RAI1: variants seen among roughly 807,000 people sequenced by gnomAD.
The protein encoded by RAI1 is retinoic acid-induced protein 1.
A neutral mutation model predicts 123.8 loss-of-function variants in RAI1; 9 were observed. That is an observed-to-expected ratio of 0.07 (90% CI 0.04 to 0.13). The LOEUF (loss-of-function observed/expected upper bound fraction) is 0.13, where lower values mean the gene tolerates loss of function less well. Among genes scored for constraint, RAI1 ranks in the 10% least tolerant of loss-of-function variants. The probability of loss-of-function intolerance (pLI) is 1.00; values close to 1 mark genes in which losing one functional copy is unlikely to be tolerated. For synonymous variants in RAI1, 1,231 were observed against 1,127.3 expected, an observed-to-expected ratio of 1.09 and a Z score of -1.84; for missense variants, 2,256 against 2,545.8, an observed-to-expected ratio of 0.89 and a Z score of 2.45.
chr17:17,741,204 G>C (rs922014159), intron 2 of RAI1, among the ~76,000 whole-genome samples: 3 of 151,982 alleles, frequency 2.0e-5, no homozygotes, highest in African/African-American at 7.3e-5. Flanking sequence ...CCACCCTCCT[G>C]AGTCCCCTCT....
intron 4 of RAI1, among the ~76,000 whole-genome samples, chr17:17,808,451 T>C (rs887642650): frequency 4.9e-5 from 7 of 142,246 alleles, no homozygotes; most frequent in African/African-American, 1.1e-4. Context: ...TATTTTATTT[T>C]ATTTTATTTC....
intron 2 of RAI1, among the ~76,000 whole-genome samples, chr17:17,756,923 C>T (rs2030460155): frequency 6.6e-6 from 1 of 152,128 alleles, no homozygotes; most frequent in African/African-American, 2.4e-5. Context: ...ATGACTGTTG[C>T]CATTGTTATT....
intron 1 of RAI1, among the ~76,000 whole-genome samples, chr17:17,690,122 C>T (rs1053719352): frequency 4.6e-5 from 7 of 152,144 alleles, no homozygotes; most frequent in African/African-American, 1.4e-4. Context: ...CCGTGGCTCA[C>T]GCCTGCAATC....
At chr17:17,803,390 GT>G (rs1207124461) in intron 3 of RAI1, among the ~76,000 whole-genome samples, 1 of 141,690 alleles carries the variant, frequency 7.1e-6, no homozygotes, top group Non-Finnish European at 1.5e-5. Context: ...TGTTTTTTTT[GT>G]TTGTTTGTTT....
chr17:17,790,307 C>T (rs1567909718), intron 2 of RAI1, among the ~76,000 whole-genome samples: 1 of 152,212 alleles, frequency 6.6e-6, no homozygotes, highest in Non-Finnish European at 1.5e-5. Flanking sequence ...CTCCCTTTGC[C>T]TTGGGTTCCA....
intron 1 of RAI1, among the ~76,000 whole-genome samples, chr17:17,719,404 G>A (rs1292689602): frequency 6.6e-6 from 1 of 152,130 alleles, no homozygotes; most frequent in Non-Finnish European, 1.5e-5. Flanking sequence ...CAGGGTCTTT[G>A]CACTTGTTCT....
In RAI1 at chr17:17,797,316, T is replaced by A; in HGVS notation, c.4368T>A (p.His1456Gln). ...KRSRKGRAGA[H>Q]GLSKGPLEKR... ...GCCGGAAAGGCCGGGCAGGGGCCCA[T>A]GGACTCTCCAAAGGCCCGCTGGAGA... The change falls in exon 3 of 6, where the codon CAT becomes CAA. Residue 1456 changes from histidine to glutamine, a missense_variant. His to Gln is a conservative substitution (Grantham distance 24). This residue lies in a region of RAI1 where 410 missense variants were observed against 374.6 expected (regional missense o/e 1.09). Transcript: ENST00000353383. 1 of 1,612,372 alleles carries A rather than the reference T, an allele frequency of 6.2e-7. No individual in the cohort carries two copies. The highest frequency in any genetic ancestry group is 8.5e-7 in the Non-Finnish European group (1 of 1,179,832).
intron 2 of RAI1, among the ~76,000 whole-genome samples, chr17:17,775,201 A>ATT (rs56152905): frequency 0.098 from 12,033 of 123,356 alleles, 814 homozygotes; most frequent in Non-Finnish European, 0.14. Flanking sequence ...TTCATGTGTA[A>ATT]TTTTTTTTTT....
At chr17:17,698,395 C>T (rs73292258) in intron 1 of RAI1, among the ~76,000 whole-genome samples, 2,068 of 152,294 alleles carry the variant, frequency 0.014, 54 homozygotes, top group African/African-American at 0.047. Flanking sequence ...GGATTCTGGG[C>T]GTTGTCTCTG....
At position 17,794,527 on chromosome 17, in the gene RAI1, C is replaced by T. The variant is rs769601755; in HGVS notation, c.1579C>T (p.Arg527Cys). The change falls in exon 3 of 6, where the codon CGC becomes TGC. Residue 527 changes from arginine to cysteine, a missense_variant. By Grantham distance (180) the Arg-to-Cys change is radical (BLOSUM62 -3). Coordinates refer to ENST00000353383, the MANE Select transcript of RAI1 (RefSeq NM_030665.4). ...YLSGSEDPLE[R>C]SFLYCNQARG... Reference sequence around the variant, plus strand: ...GAGCGGCTCCGAGGACCCACTGGAGCGCAGCTTCCTCTACTGCAACCAGGC... The same window carrying T: ...GAGCGGCTCCGAGGACCCACTGGAGTGCAGCTTCCTCTACTGCAACCAGGC... The T allele has an allele frequency of 9.3e-6, 15 of 1,612,768 alleles. No individual in the cohort carries two copies. Among genetic ancestry groups the T allele is most frequent in the Admixed American group, 3.3e-5 (2 of 59,964 alleles).
chr17:17,711,842 G>A (rs1915575896), intron 1 of RAI1, among the ~76,000 whole-genome samples: 2 of 152,248 alleles, frequency 1.3e-5, no homozygotes, highest in South Asian at 4.1e-4. Context: ...ACCACATCTG[G>A]GGCCTCCGAG....
chr17:17,805,446 G>A (rs1006294146), intron 4 of RAI1, among the ~76,000 whole-genome samples: 5 of 152,130 alleles, frequency 3.3e-5, no homozygotes, highest in Non-Finnish European at 7.4e-5. Flanking sequence ...GGAAAGAGGC[G>A]AAGTCATAAC....
In RAI1 at chr17:17,795,382, C is replaced by G. The variant is rs1270280633; in HGVS notation, c.2434C>G (p.Gln812Glu). 8.2e-6 allele frequency: 13 copies of G among 1,593,336 alleles called. No homozygotes were observed. In the East Asian group the frequency reaches 2.9e-4, roughly 36 times the overall value. ...KVASLPGDFK[Q>E]EEVGGVKEEA... ...GGCCTCGTTGCCCGGGGACTTCAAG[C>G]AGGAGGAGGTGGGTGGGGTGAAGGA... is the stretch of plus-strand genomic sequence containing the variant. Residue 812 changes from glutamine to glutamate, a missense_variant, in exon 3 of 6, where the codon CAG becomes GAG. Transcript: ENST00000353383. This position sits in a 1 kb window ranked among gnomAD's most constrained non-coding sequence, Gnocchi z 5.9.
chr17:17,751,163 C>T (rs774451338), intron 2 of RAI1, among the ~76,000 whole-genome samples: 5 of 152,166 alleles, frequency 3.3e-5, no homozygotes, highest in Non-Finnish European at 7.4e-5. Flanking sequence ...GTGGCCAGTG[C>T]TAGGATGGGG....
intron 1 of RAI1, among the ~76,000 whole-genome samples, chr17:17,721,860 T>C (rs1267023957): frequency 6.6e-6 from 1 of 152,148 alleles, no homozygotes; most frequent in Non-Finnish European, 1.5e-5. Context: ...GATTCACTTC[T>C]GGTAGGGAGG....
chr17:17,754,329 C>T (rs571839561), intron 2 of RAI1, among the ~76,000 whole-genome samples: 6 of 151,866 alleles, frequency 4.0e-5, no homozygotes, highest in Admixed American at 1.3e-4. Context: ...CTCAGCCCCC[C>T]GGGTTCAAGC....
Position 17,809,274 on chromosome 17 carries a change from C to T in RAI1, c.5660-116C>T. The T allele has an allele frequency of 1.2e-6, 1 of 869,154 alleles. No individual in the cohort carries two copies. The highest frequency in any genetic ancestry group is 2.0e-6 in the Non-Finnish European group (1 of 507,128). The allele number at this position is 869,154 out of a possible 1,614,324, so 53.8% of individuals were successfully genotyped here. On this transcript the variant is annotated intron_variant, in intron 4 of 5. Transcript: ENST00000353383. The surrounding 1 kb of genome is among the most constrained non-coding windows in gnomAD (Gnocchi z 4.9). ...AATCTGATTAACTCTTTGAAAAGAGCCCCTGCAGTCTGGAGCCTCGCGGGC... is the reference window on the plus strand; with the variant it reads ...AATCTGATTAACTCTTTGAAAAGAGTCCCTGCAGTCTGGAGCCTCGCGGGC...
intron 2 of RAI1, among the ~76,000 whole-genome samples, chr17:17,781,561 G>A (rs1021914981): frequency 3.7e-4 from 56 of 152,122 alleles, no homozygotes; most frequent in African/African-American, 1.3e-3. Flanking sequence ...CTGGCCTGGG[G>A]TGCTTGGCCG....
At chr17:17,683,980 C>G (rs1171922881) in intron 1 of RAI1, 1 of 152,260 alleles carries the variant, frequency 6.6e-6, no homozygotes, top group African/African-American at 2.4e-5. Flanking sequence ...CTCAAGCGAT[C>G]CTCCAGCATC....
Sources: allele counts gnomAD v4.1 joint callset (sites outside exome capture counted in the v4.1 genomes callset), GRCh38; gene constraint gnomAD v4.1.1; regional missense constraint gnomAD v4.1.1; non-coding constraint Gnocchi (gnomAD v3.1); transcripts MANE v1.5; gene names NCBI Gene and HGNC (gene_info 2026-07-23, HGNC 2026-07-21).